Variants in MFSD12 observed in about 807,000 individuals in gnomAD.
MFSD12 encodes the protein major facilitator superfamily domain-containing protein 12.
MFSD12 carries 67 observed loss-of-function variants against 51.2 expected under a neutral mutation model. That is an observed-to-expected ratio of 1.31 (90% CI 1.08 to 1.60). The LOEUF (loss-of-function observed/expected upper bound fraction) is 1.60. MFSD12 is among the 40% of genes most tolerant of loss of function. The pLI, the probability that MFSD12 is intolerant of heterozygous loss-of-function variation, is 0.00. For synonymous variants in MFSD12, 441 were observed against 316.7 expected, an observed-to-expected ratio of 1.39 and a Z score of -4.17; for missense variants, 921 against 673.0, an observed-to-expected ratio of 1.37 and a Z score of -4.08.
At position 3,544,817 on chromosome 19, in the gene MFSD12, A is replaced by C. The variant is rs774048092; in HGVS notation, c.1412T>G (p.Leu471Arg). ...GGTGGGCCAGGACTCACAGCGTCGC[A>C]GGCGGGTCGGCCACAGCAGGAGGCT... is the stretch of plus-strand genomic sequence containing the variant. ...LCSLLLWPTR[L>R]RRWDRDARP Residue 471 changes from leucine (L) to arginine (R), a missense_variant, in exon 9 of 10, where the codon CTG becomes CGG. By Grantham distance (102) the Leu-to-Arg change is moderately radical. Coordinates refer to ENST00000355415, the MANE Select transcript of MFSD12 (RefSeq NM_174983.5). 1.2e-6 allele frequency: 2 copies of C among 1,612,270 alleles called. No individual in the cohort carries two copies. Among genetic ancestry groups the C allele is most frequent in the Non-Finnish European group, 1.7e-6 (2 of 1,179,456 alleles).
rs377708993 is a variant in MFSD12, at chr19:3,538,743, G to C, written c.*19C>G. 2.1e-5 allele frequency: 10 copies of C among 486,564 alleles called. 1 individual carries two copies. Among genetic ancestry groups the C allele is most frequent in the South Asian group, 1.5e-4 (10 of 65,162 alleles). The allele number at this position is 486,564 out of a possible 1,614,324, so 30.1% of individuals were successfully genotyped here. A position where few individuals can be genotyped will look rare whatever the true frequency, so the allele number is the denominator to read the frequency against. The stretch of plus-strand genomic sequence containing the variant: ...AAATCGTGCTGCTGTGAGCCACTGC[G>C]TGCAGGTCTCATCCTGGGTGTATTT... On this transcript the variant is annotated 3_prime_UTR_variant, in exon 5 of 5. Coordinates refer to the MFSD12 transcript ENST00000398558.
intron 2 of MFSD12, among the ~76,000 whole-genome samples, chr19:3,550,546 C>T (rs920444250): frequency 6.6e-5 from 10 of 152,168 alleles, no homozygotes; most frequent in South Asian, 4.1e-4. Context: ...CGCCCACCAC[C>T]GCGCCCGGCT....
At chr19:3,553,741 A>C (rs2031596318) in intron 1 of MFSD12, among the ~76,000 whole-genome samples, 1 of 144,312 alleles carries the variant, frequency 6.9e-6, no homozygotes, top group Non-Finnish European at 1.6e-5. Context: ...AAAAAAAAAA[A>C]AAAAAAAAAA....
At chr19:3,554,200 G>A (rs115343870) in intron 1 of MFSD12, among the ~76,000 whole-genome samples, 4,272 of 152,156 alleles carry the variant, frequency 0.028, 194 homozygotes, top group African/African-American at 0.096. Flanking sequence ...ACTGTGGGGG[G>A]CTGAGACAGG....
rs1475154847 is a variant in MFSD12 at position 3,544,226 on chromosome 19, C to T, written c.*484G>A. ...CCGTCATCTCTTTATTTGCTGCCAG[C>T]AGAGTCCACCAAGCCTGCCGGGCAG... On this transcript the variant is annotated 3_prime_UTR_variant, in exon 10 of 10. Coordinates refer to ENST00000355415, the MANE Select transcript of MFSD12 (RefSeq NM_174983.5). The T allele has an allele frequency of 3.0e-6, 4 of 1,337,096 alleles. No homozygotes were observed. Among genetic ancestry groups the T allele is most frequent in the Non-Finnish European group, 2.9e-6 (3 of 1,045,696 alleles). The allele number at this position is 1,337,096 out of a possible 1,614,324, so 82.8% of individuals were successfully genotyped here. A position where few individuals can be genotyped will look rare whatever the true frequency, so the allele number is the denominator to read the frequency against.
rs145301376 is a variant in MFSD12, at chr19:3,546,981, C to A, written c.1023+291G>T. Reference sequence around the variant, plus strand: ...CCCGAATAGCTGGGACTACAGGCACCCGCCACCAACGCCCGGCTAATTTTG... The same window carrying A: ...CCCGAATAGCTGGGACTACAGGCACACGCCACCAACGCCCGGCTAATTTTG... On this transcript the variant is annotated intron_variant, in intron 6 of 9. Transcript: ENST00000355415. Among the ~76,000 whole-genome samples, 60 of 152,294 alleles carry A rather than the reference C, an allele frequency of 3.9e-4. No homozygotes were observed. In the East Asian group the frequency reaches 0.011, roughly 27 times the overall value.
chr19:3,545,437 G>C (rs963029030), intron 8 of MFSD12, among the ~76,000 whole-genome samples: 5 of 152,206 alleles, frequency 3.3e-5, no homozygotes, highest in African/African-American at 1.2e-4. Flanking sequence ...CCTCCTCCCT[G>C]TTCTTCCAAC....
At position 3,550,928 on chromosome 19, in the gene MFSD12, T is replaced by G. The variant is rs75555084; in HGVS notation, c.509+56A>C. ...CCGCTCATTATGCAGTGCCACTGAC[T>G]GATACACCGAGCCGGGGCCCACCCT... On this transcript the variant is annotated intron_variant, in intron 2 of 9. Coordinates refer to ENST00000355415, the MANE Select transcript of MFSD12 (RefSeq NM_174983.5). The G allele has an allele frequency of 0.026, 38,830 of 1,478,340 alleles. 3,384 individuals carry two copies. The East Asian group carries it at 0.31, about 12-fold the overall frequency. 91.6% of individuals were successfully genotyped at this position (1,478,340 alleles called of 1,614,324 possible).
Position 3,547,524 on chromosome 19 carries a change from G to A in MFSD12, c.861C>T (p.Thr287=), listed in dbSNP as rs372151308. 10 of 1,612,308 alleles carry A rather than the reference G, an allele frequency of 6.2e-6. No individual in the cohort carries two copies. Among genetic ancestry groups the A allele is most frequent in the African/African-American group, 5.3e-5 (4 of 75,028 alleles). The change falls in exon 5 of 10, where the codon ACC becomes ACT. Residue 287 remains threonine, a synonymous_variant. Transcript: ENST00000355415. ...FYQVGILYMT[T]RLIVNLSQTY... is the part of the protein sequence containing the mutation. ...TCTGGGACAGGTTCACGATGAGCCT[G>A]GTGGTCATGTACAGTATGCCCACCT...
downstream of MFSD12, chr19:3,543,970 G>A: frequency 1.3e-6 from 2 of 1,549,426 alleles, no homozygotes; most frequent in African/African-American, 1.4e-5. Context: ...CCCTCCACCT[G>A]CCAGCGGTCC....
At chr19:3,546,454 A>C in intron 6 of MFSD12, 29 bp from the exon 7 acceptor site, 1 of 1,583,330 alleles carries the variant, frequency 6.3e-7, no homozygotes, top group Non-Finnish European at 8.6e-7. Flanking sequence ...GGTCAGGCCC[A>C]CACCACTGGG....
chr19:3,546,272 G>A lies in MFSD12; in HGVS notation c.1177C>T (p.Leu393Phe), dbSNP rs1395708602. Reference protein sequence around the residue: ...LVTSLAMTADLIGPHTNSGAF... With the variant: ...LVTSLAMTADFIGPHTNSGAF... ...AGCCCTACCGTGTGGGGACCGATGA[G>A]GTCGGCCGTCATGGCCAGCGAGGTG... Residue 393 changes from leucine to phenylalanine, a missense_variant, in exon 7 of 10, where the codon CTC (leucine) becomes TTC (phenylalanine). Leu to Phe is a conservative substitution (Grantham distance 22, BLOSUM62 0). Coordinates refer to ENST00000355415, the MANE Select transcript of MFSD12 (RefSeq NM_174983.5). 4 of 1,611,008 alleles carry A rather than the reference G, an allele frequency of 2.5e-6. No individual in the cohort carries two copies. The highest frequency in any genetic ancestry group is 3.4e-6 in the Non-Finnish European group (4 of 1,179,258).
rs776549490 is a variant in MFSD12 at position 3,546,260 on chromosome 19, G to A, written c.1189C>T (p.His397Tyr). ...AGCCTGGCTACCAGCCCTACCGTGTGGGGACCGATGAGGTCGGCCGTCATG... is the reference window on the plus strand; with the variant it reads ...AGCCTGGCTACCAGCCCTACCGTGTAGGGACCGATGAGGTCGGCCGTCATG... ...LAMTADLIGP[H>Y]TNSGAFVYGS... The change falls in exon 7 of 10, where the codon CAC becomes TAC. Residue 397 changes from histidine to tyrosine, a missense_variant. By Grantham distance (83) the His-to-Tyr change is moderately conservative. Transcript: ENST00000355415. 3.1e-6 allele frequency: 5 copies of A among 1,610,650 alleles called. No homozygotes were observed. Among genetic ancestry groups the A allele is most frequent in the East Asian group, 4.5e-5 (2 of 44,788 alleles).
downstream of MFSD12, chr19:3,542,891 G>C: frequency 7.1e-7 from 1 of 1,408,802 alleles, no homozygotes; most frequent in Non-Finnish European, 9.5e-7. Context: ...GGACTTGTGG[G>C]TCTTGGAGGC....
intron 6 of MFSD12, among the ~76,000 whole-genome samples, chr19:3,546,835 G>C (rs1408480314): frequency 6.6e-6 from 1 of 152,088 alleles, no homozygotes; most frequent in Non-Finnish European, 1.5e-5. Flanking sequence ...CCCAGATCTG[G>C]GGCTTTTTTT....
At chr19:3,555,735 G>T (rs1027508390) in intron 1 of MFSD12, among the ~76,000 whole-genome samples, 28 of 152,186 alleles carry the variant, frequency 1.8e-4, no homozygotes, top group Admixed American at 1.8e-3. Flanking sequence ...GGAGGCACCC[G>T]CCTGCCCCTC....
intron 4 of MFSD12, chr19:3,539,164 G>C (rs984469553): frequency 4.5e-6 from 7 of 1,544,188 alleles, no homozygotes; most frequent in African/African-American, 1.4e-5. Flanking sequence ...GGAGCCCGGG[G>C]GATCCAGGCA....
chr19:3,543,480 G>GTC, downstream of MFSD12: 1 of 1,337,366 alleles, frequency 7.5e-7, no homozygotes, highest in South Asian at 1.3e-5. Flanking sequence ...TCGGGTGAGT[G>GTC]CCCCCCCCCC....
chr19:3,552,943 C>A (rs2145216525), intron 1 of MFSD12, among the ~76,000 whole-genome samples: 1 of 152,300 alleles, frequency 6.6e-6, no homozygotes, highest in South Asian at 2.1e-4. Flanking sequence ...CTCCTCCCAG[C>A]CTGGGGCACC....
Sources: gnomAD v4.1 joint callset for allele counts (sites outside exome capture counted in the v4.1 genomes callset) on GRCh38, gnomAD v4.1.1 for gene constraint, MANE v1.5 for transcripts, NCBI Gene and HGNC (gene_info 2026-07-23, HGNC 2026-07-21) for gene names.